NIBAN1: variants seen among roughly 807,000 people sequenced by gnomAD.
NIBAN1 encodes the protein niban apoptosis regulator 1.
NIBAN1 carries 81 observed loss-of-function variants against 75.1 expected under a neutral mutation model. The ratio of observed to expected loss-of-function variants is 1.08; its 90% CI spans 0.90 to 1.30. The LOEUF is 1.30. NIBAN1 is among the 50% of genes most tolerant of loss of function. The pLI is 0.00. For missense variants in NIBAN1, 1,133 were observed against 1,128.1 expected, an observed-to-expected ratio of 1.00 and a Z score of -0.06; for synonymous variants, 436 against 424.8, an observed-to-expected ratio of 1.03 and a Z score of -0.32.
At chr1:184,865,456 T>C (rs1035309083) in intron 5 of NIBAN1, among the ~76,000 whole-genome samples, 7 of 151,826 alleles carry the variant, frequency 4.6e-5, no homozygotes, top group African/African-American at 1.7e-4. Context: ...ACTATAGAGG[T>C]GGGGGAAGGG....
At chr1:184,876,796 G>T (rs991863183) in intron 5 of NIBAN1, among the ~76,000 whole-genome samples, 12 of 152,022 alleles carry the variant, frequency 7.9e-5, no homozygotes, top group Non-Finnish European at 1.3e-4. Context: ...GATTTTACAG[G>T]CACGCTCTGC....
At chr1:184,965,066 G>T (rs941617861) in intron 1 of NIBAN1, among the ~76,000 whole-genome samples, 6 of 152,142 alleles carry the variant, frequency 3.9e-5, no homozygotes, top group Admixed American at 2.6e-4. Flanking sequence ...TTGGGATGCC[G>T]AGGCGGGCGG....
intron 5 of NIBAN1, among the ~76,000 whole-genome samples, chr1:184,839,690 G>T (rs1655232093): frequency 1.3e-5 from 2 of 151,920 alleles, no homozygotes; most frequent in African/African-American, 4.8e-5. Flanking sequence ...CCACCTCCCG[G>T]GTTCAAGCGA....
At chr1:184,933,288 C>T (rs1186072636) in intron 1 of NIBAN1, among the ~76,000 whole-genome samples, 3 of 152,206 alleles carry the variant, frequency 2.0e-5, no homozygotes, top group African/African-American at 7.2e-5. Context: ...CATATATCCA[C>T]TACAGTCTAT....
At chr1:184,915,250 A>G (rs1040348175) in intron 1 of NIBAN1, among the ~76,000 whole-genome samples, 3 of 152,232 alleles carry the variant, frequency 2.0e-5, no homozygotes, top group Admixed American at 6.5e-5. Context: ...GAGGGAAGTC[A>G]GAGAAACTGT....
chr1:184,969,994 C>T (rs1056230622), intron 1 of NIBAN1, among the ~76,000 whole-genome samples: 7 of 151,558 alleles, frequency 4.6e-5, no homozygotes, highest in East Asian at 2.0e-4. Flanking sequence ...GGCGAAACCC[C>T]GTCTCTACAA....
intron 1 of NIBAN1, among the ~76,000 whole-genome samples, chr1:184,916,190 T>C (rs1571570929): frequency 6.6e-6 from 1 of 152,232 alleles, no homozygotes. Context: ...ATTATTTCTG[T>C]GAGCTCTTCA....
chr1:184,811,744 G>A (rs866254634), intron 9 of NIBAN1, among the ~76,000 whole-genome samples: 5 of 151,902 alleles, frequency 3.3e-5, no homozygotes, highest in South Asian at 2.1e-4. Context: ...CGCCCGCCTC[G>A]GCCTCCCAAA....
chr1:184,804,486 A>G (rs1654133729), intron 11 of NIBAN1, among the ~76,000 whole-genome samples: 1 of 152,190 alleles, frequency 6.6e-6, no homozygotes, highest in Non-Finnish European at 1.5e-5. Context: ...CTTGCTGTCA[A>G]GAACTAAAAT....
chr1:184,853,339 G>A (rs1433215164), intron 5 of NIBAN1, among the ~76,000 whole-genome samples: 1 of 152,090 alleles, frequency 6.6e-6, no homozygotes, highest in Admixed American at 6.5e-5. Flanking sequence ...CATACCCTTT[G>A]TATAAATCAA....
intron 5 of NIBAN1, among the ~76,000 whole-genome samples, chr1:184,867,092 A>G (rs1655975921): frequency 6.6e-6 from 1 of 152,108 alleles, no homozygotes; most frequent in African/African-American, 2.4e-5. Context: ...CGGTGACATC[A>G]GCAAGGCCAA....
chr1:184,974,082 A>G (rs1163538005), intron 1 of NIBAN1, among the ~76,000 whole-genome samples: 1 of 152,088 alleles, frequency 6.6e-6, no homozygotes, highest in African/African-American at 2.4e-5. Flanking sequence ...CGCATCCTGC[A>G]CCTGCCTCGC....
chr1:184,821,056 T>G (rs1455498599), intron 8 of NIBAN1, among the ~76,000 whole-genome samples: 1 of 152,196 alleles, frequency 6.6e-6, no homozygotes, highest in East Asian at 1.9e-4. Flanking sequence ...GTGCTCTTTG[T>G]TCTACCGCTG....
At chr1:184,806,883 T>C (rs1029743426) in intron 10 of NIBAN1, among the ~76,000 whole-genome samples, 6 of 151,630 alleles carry the variant, frequency 4.0e-5, no homozygotes, top group Non-Finnish European at 5.9e-5. Context: ...AGTCTCGTGC[T>C]TCAGCCTCCA....
chr1:184,961,797 C>G (rs1658658238), intron 1 of NIBAN1, among the ~76,000 whole-genome samples: 1 of 152,214 alleles, frequency 6.6e-6, no homozygotes, highest in Non-Finnish European at 1.5e-5. Context: ...AGTAAGGCAT[C>G]TGGGAAAGGC....
At chr1:184,877,924 G>C (rs1340236368) in intron 5 of NIBAN1, among the ~76,000 whole-genome samples, 1 of 147,492 alleles carries the variant, frequency 6.8e-6, no homozygotes, top group African/African-American at 2.5e-5. Flanking sequence ...TTTTTTTTTT[G>C]CTTAAATGAA....
intron 1 of NIBAN1, among the ~76,000 whole-genome samples, chr1:184,943,175 T>C (rs1440150146): frequency 1.3e-5 from 2 of 152,214 alleles, no homozygotes; most frequent in Admixed American, 1.3e-4. Context: ...TCGATTTAGA[T>C]GTCTGTGAAG....
intron 1 of NIBAN1, among the ~76,000 whole-genome samples, chr1:184,953,278 A>G (rs1423352025): frequency 2.0e-5 from 3 of 152,218 alleles, no homozygotes; most frequent in African/African-American, 4.8e-5. Context: ...AGATGGGGCC[A>G]TTATCTGTAC....
At chr1:184,920,650 A>G (rs1193040733) in intron 1 of NIBAN1, among the ~76,000 whole-genome samples, 1 of 152,166 alleles carries the variant, frequency 6.6e-6, no homozygotes, top group South Asian at 2.1e-4. Context: ...TATTTATTAA[A>G]TATCTTAATT....
Sources: gnomAD v4.1 joint callset for allele counts (sites outside exome capture counted in the v4.1 genomes callset) on GRCh38, gnomAD v4.1.1 for gene constraint, MANE v1.5 for transcripts, NCBI Gene and HGNC (gene_info 2026-07-23, HGNC 2026-07-21) for gene names.